The following SLC2A2 variants were observed in gnomAD, a reference collection of about 807,000 sequenced individuals.
The protein encoded by SLC2A2 is solute carrier family 2 member 2.
In SLC2A2, 36 loss-of-function variants were observed where a neutral mutation model predicts 54.5. The ratio of observed to expected loss-of-function variants is 0.66; its 90% CI spans 0.51 to 0.87. The LOEUF (loss-of-function observed/expected upper bound fraction) is 0.87, where lower values mean the gene tolerates loss of function less well. Ranked by LOEUF, SLC2A2 falls within the 40% of genes least tolerant of loss-of-function variation. The pLI is 0.00. For missense variants in SLC2A2, 543 were observed against 624.3 expected (o/e 0.87, Z 1.39); for synonymous variants, 223 against 219.1 (o/e 1.02, Z -0.16).
At chr3:170,999,736 C>T (rs1560032187) in intron 8 of SLC2A2, among the ~76,000 whole-genome samples, 1 of 152,020 alleles carries the variant, frequency 6.6e-6, no homozygotes, top group Non-Finnish European at 1.5e-5. Flanking sequence ...GATAATTGAA[C>T]CAAAATAGGC....
chr3:170,999,221 G>A (rs1023777200), intron 8 of SLC2A2, 55 bp from the exon 9 acceptor site: 25 of 1,164,468 alleles, frequency 2.1e-5, no homozygotes, highest in Non-Finnish European at 3.1e-5. Flanking sequence ...AATATTGACT[G>A]TTTACTTAAA....
intron 7 of SLC2A2, among the ~76,000 whole-genome samples, chr3:171,004,287 G>A (rs769273899): frequency 4.6e-5 from 7 of 152,020 alleles, no homozygotes; most frequent in Admixed American, 6.6e-5. Flanking sequence ...TTATGCCATT[G>A]AATATACAGA....
At chr3:171,017,626 T>C (rs999125839) in intron 2 of SLC2A2, among the ~76,000 whole-genome samples, 1 of 152,174 alleles carries the variant, frequency 6.6e-6, no homozygotes, top group Non-Finnish European at 1.5e-5. Flanking sequence ...AATTCACCCC[T>C]CTTTATTGAG....
At chr3:171,019,121 ATACGTATG>A (rs1716323470) in intron 1 of SLC2A2, among the ~76,000 whole-genome samples, 3 of 5,630 alleles carry the variant, frequency 5.3e-4, no homozygotes, top group South Asian at 6.6e-3. Flanking sequence ...ATATATATAT[ATACGTATG>A]TATATATATA....
rs1560030690 is a variant in SLC2A2 at position 170,997,416 on chromosome 3, A to C, written c.*487T>G. On this transcript the variant is annotated 3_prime_UTR_variant, in exon 11 of 11. Transcript: ENST00000314251. ...ATACAAATTCTAGTACTCAAGAAAA[A>C]AGCTGAGTGCAATAAATGGAAGAGT... 6.3e-6 allele frequency: 1 copy of C among 158,334 alleles called. No individual in the cohort carries two copies. The highest frequency in any genetic ancestry group is 1.4e-5 in the Non-Finnish European group (1 of 72,484). The allele number at this position is 158,334 out of a possible 1,614,324, so 9.8% of individuals were successfully genotyped here. A position where few individuals can be genotyped will look rare whatever the true frequency, so the allele number is the denominator to read the frequency against.
chr3:171,012,558 G>T (rs2108253762), intron 3 of SLC2A2, among the ~76,000 whole-genome samples: 1 of 152,204 alleles, frequency 6.6e-6, no homozygotes, highest in South Asian at 2.1e-4. Context: ...CTATAAAATG[G>T]TGGCCACAGA....
At chr3:171,016,656 A>G (rs570644981) in intron 2 of SLC2A2, among the ~76,000 whole-genome samples, 7 of 151,876 alleles carry the variant, frequency 4.6e-5, no homozygotes, top group Non-Finnish European at 7.4e-5. Context: ...AAAAGGCTTA[A>G]AAAATCATTC....
intron 4 of SLC2A2, among the ~76,000 whole-genome samples, chr3:171,009,485 T>C (rs2108249449): frequency 6.6e-6 from 1 of 152,082 alleles, no homozygotes; most frequent in Middle Eastern, 3.4e-3. Context: ...GGCAGCCAGG[T>C]AGTCCATAAG....
At chr3:171,006,219 T>C in intron 5 of SLC2A2, 114 bp from the exon 6 acceptor site, 1 of 926,592 alleles carries the variant, frequency 1.1e-6, no homozygotes, top group South Asian at 1.6e-5. Flanking sequence ...ACAACTTTGG[T>C]TCAAGTAAAA....
chr3:171,009,168 T>G (rs1715758066), intron 4 of SLC2A2, among the ~76,000 whole-genome samples: 1 of 152,112 alleles, frequency 6.6e-6, no homozygotes, highest in Non-Finnish European at 1.5e-5. Context: ...CCATTTGTTT[T>G]AGAGAGAGAT....
Position 170,998,201 on chromosome 3 carries a change from A to C in SLC2A2, c.1366T>G (p.Tyr456Asp). The change falls in exon 10 of 11, where the codon TAC becomes GAC. Residue 456 changes from tyrosine to aspartate, a missense_variant. Transcript: ENST00000314251. ...CNFIVALCFQ[Y>D]IADFCGPYVF... ...AATATTAGGCTGCTTACCGCAATGT[A>C]CTGGAAACACAGAGCTACAATGAAA... The C allele has an allele frequency of 6.2e-7, 1 of 1,613,754 alleles. No homozygotes were observed.
In SLC2A2 at chr3:171,022,308, A is replaced by C. The variant is rs933953249; in HGVS notation, c.16-3685T>G. ...AAGCACATCTGAAAAATCTAGGACC[A>C]TAATCTTTATAAATTAAAAAAGCTA... On this transcript the variant is annotated intron_variant, in intron 1 of 10. Transcript: ENST00000314251. Among the ~76,000 whole-genome samples, 12 of 152,370 alleles carry C rather than the reference A, an allele frequency of 7.9e-5. No individual in the cohort carries two copies. The South Asian group carries it at 2.5e-3, about 32-fold the overall frequency.
intron 7 of SLC2A2, 114 bp from the exon 8 acceptor site, chr3:171,002,794 C>G: frequency 1.4e-6 from 1 of 695,672 alleles, no homozygotes; most frequent in East Asian, 2.7e-5. Context: ...GGCATGCACC[C>G]TAGAACTTCG....
chr3:171,003,332 G>T (rs1715426556), intron 7 of SLC2A2, among the ~76,000 whole-genome samples: 1 of 149,048 alleles, frequency 6.7e-6, no homozygotes, highest in African/African-American at 2.5e-5. Flanking sequence ...CTATTGATGA[G>T]TATTTAGGTA....
chr3:171,002,729 A>T, intron 7 of SLC2A2, 49 bp from the exon 8 acceptor site: 8 of 1,005,408 alleles, frequency 8.0e-6, no homozygotes, highest in Middle Eastern at 4.5e-4. Flanking sequence ...TCTGGCACTG[A>T]TATCTTTAAA....
Position 170,998,210 on chromosome 3 carries a change from A to G in SLC2A2, c.1357T>C (p.Cys453Arg), listed in dbSNP as rs1418589512. ...CTGCTTACCGCAATGTACTGGAAAC[A>G]CAGAGCTACAATGAAATTGCAGGTC... The part of the protein sequence containing the change: ...NWTCNFIVAL[C>R]FQYIADFCGP... Residue 453 changes from cysteine to arginine, a missense_variant, in exon 10 of 11, where the codon TGT becomes CGT. This residue lies in a region of SLC2A2 where 108 missense variants were observed against 101.3 expected (regional missense o/e 1.07). Coordinates refer to ENST00000314251, the MANE Select transcript of SLC2A2 (RefSeq NM_000340.2). 6.2e-7 allele frequency: 1 copy of G among 1,613,672 alleles called. No individual in the cohort carries two copies. The highest frequency in any genetic ancestry group is 8.5e-7 in the Non-Finnish European group (1 of 1,179,806).
intron 9 of SLC2A2, 131 bp downstream of exon 9, chr3:170,998,934 C>G (rs1490273833): frequency 8.0e-6 from 6 of 753,590 alleles, no homozygotes; most frequent in Non-Finnish European, 1.5e-5. Flanking sequence ...TGATTTTATG[C>G]TGTTGCTCTG....
intron 4 of SLC2A2, among the ~76,000 whole-genome samples, chr3:171,009,615 A>G (rs1437722464): frequency 1.3e-5 from 2 of 152,080 alleles, no homozygotes; most frequent in Non-Finnish European, 2.9e-5. Flanking sequence ...GGAACGTTTT[A>G]CATATGTTCT....
chr3:171,019,692 G>A (rs1394235597), intron 1 of SLC2A2, among the ~76,000 whole-genome samples: 1 of 152,162 alleles, frequency 6.6e-6, no homozygotes, highest in Non-Finnish European at 1.5e-5. Flanking sequence ...AATATGCTAT[G>A]CAGCAGTTAA....
Sources: gnomAD v4.1 joint callset for allele counts (sites outside exome capture counted in the v4.1 genomes callset) on GRCh38, gnomAD v4.1.1 for gene constraint, gnomAD v4.1.1 regional missense constraint, MANE v1.5 for transcripts, NCBI Gene and HGNC (gene_info 2026-07-23, HGNC 2026-07-21) for gene names.